The following ACKR2 variants were observed in gnomAD, a reference collection of about 807,000 sequenced individuals.
ACKR2 encodes the protein atypical chemokine receptor 2, also known as C-C chemokine receptor D6.
For synonymous variants in ACKR2, 207 were observed against 192.2 expected, an observed-to-expected ratio of 1.08 and a Z score of -0.64; for missense variants, 457 against 477.3, an observed-to-expected ratio of 0.96 and a Z score of 0.40.
At chr3:42,851,334 G>T (rs571735436) in intron 2 of ACKR2, 1 of 984,550 alleles carries the variant, frequency 1.0e-6, no homozygotes, top group Non-Finnish European at 1.2e-6. Context: ...TCCAGAGAGG[G>T]GATGAGCGCA....
chr3:42,831,675 C>T (rs1157874185), intron 2 of ACKR2, among the ~76,000 whole-genome samples: 1 of 152,230 alleles, frequency 6.6e-6, no homozygotes, highest in Non-Finnish European at 1.5e-5. Flanking sequence ...GCAGGGCTCC[C>T]TTCTCTTCCA....
intron 2 of ACKR2, among the ~76,000 whole-genome samples, chr3:42,826,244 T>C (rs1297042142): frequency 6.6e-6 from 1 of 152,144 alleles, no homozygotes; most frequent in Non-Finnish European, 1.5e-5. Flanking sequence ...TTGTTGGGTT[T>C]TTGTATCAGA....
intron 2 of ACKR2, among the ~76,000 whole-genome samples, chr3:42,861,053 A>C (rs749439582): frequency 9.9e-5 from 15 of 152,200 alleles, no homozygotes; most frequent in Non-Finnish European, 1.8e-4. Context: ...AAAACCCTTC[A>C]AAAAATCAAT....
At chr3:42,812,920 C>T (rs1430623263) in intron 1 of ACKR2, among the ~76,000 whole-genome samples, 1 of 151,920 alleles carries the variant, frequency 6.6e-6, no homozygotes, top group Non-Finnish European at 1.5e-5. Flanking sequence ...AAGTCCTGAC[C>T]TCAAGTGATC....
intron 2 of ACKR2, among the ~76,000 whole-genome samples, chr3:42,821,633 G>A (rs1015924407): frequency 6.6e-6 from 1 of 151,984 alleles, no homozygotes; most frequent in African/African-American, 2.4e-5. Flanking sequence ...ACACTCTCTT[G>A]CCTCTCTATC....
In ACKR2 at chr3:42,852,660, A is replaced by G. The variant is rs1701174857; in HGVS notation, c.-37-11806A>G. Among the ~76,000 whole-genome samples, 1 of 152,198 alleles carries G rather than the reference A, an allele frequency of 6.6e-6. No individual in the cohort carries two copies. Among genetic ancestry groups the G allele is most frequent in the Admixed American group, 6.5e-5 (1 of 15,280 alleles). On this transcript the variant is annotated intron_variant, in intron 2 of 2. Transcript: ENST00000422265. This position sits in a 1 kb window ranked among gnomAD's most constrained non-coding sequence, Gnocchi z 4.3. The stretch of plus-strand genomic sequence containing the variant: ...TGGACAAGGCCACTCCCTTCCAGCC[A>G]GACTTTGTGTAATCTGGTGTACCAG...
chr3:42,817,167 T>C (rs898686261), intron 1 of ACKR2, among the ~76,000 whole-genome samples: 1 of 152,178 alleles, frequency 6.6e-6, no homozygotes, highest in Non-Finnish European at 1.5e-5. Flanking sequence ...TGGGATGTAA[T>C]AGAGCCTCAG....
intron 1 of ACKR2, among the ~76,000 whole-genome samples, chr3:42,812,051 C>G (rs570563256): frequency 1.3e-5 from 2 of 152,276 alleles, no homozygotes; most frequent in Non-Finnish European, 2.9e-5. Flanking sequence ...TGTGCAGGTC[C>G]TCCATATGCT....
chr3:42,824,255 A>T (rs186592086), intron 2 of ACKR2, among the ~76,000 whole-genome samples: 1,619 of 152,312 alleles, frequency 0.011, 31 homozygotes, highest in African/African-American at 0.037. Context: ...ACTGTATTTT[A>T]AAAAATTTGT....
chr3:42,851,311 A>G (rs1025978372), intron 2 of ACKR2: 41 of 962,946 alleles, frequency 4.3e-5, no homozygotes, highest in African/African-American at 7.0e-5. Context: ...AGCAGGATAT[A>G]CATAGGCTGC....
At chr3:42,837,785 T>C (rs1402755755) in intron 2 of ACKR2, among the ~76,000 whole-genome samples, 2 of 152,222 alleles carry the variant, frequency 1.3e-5, no homozygotes, top group Non-Finnish European at 2.9e-5. Context: ...GTCACACTAT[T>C]AAATATACGC....
In ACKR2 at chr3:42,865,729, C is replaced by T; in HGVS notation, c.*72C>T. On this transcript the variant is annotated 3_prime_UTR_variant, in exon 3 of 3. Transcript: ENST00000422265. ...TGGGTGTCCACTCAAAGTGCTCTCT[C>T]CAGGGGCCTCAGTGACTGTGTTGCT... 1 of 1,234,774 alleles carries T rather than the reference C, an allele frequency of 8.1e-7. No individual in the cohort carries two copies. Among genetic ancestry groups the T allele is most frequent in the East Asian group, 2.4e-5 (1 of 41,610 alleles). 76.5% of individuals were successfully genotyped at this position (1,234,774 alleles called of 1,614,324 possible).
intron 1 of ACKR2, among the ~76,000 whole-genome samples, chr3:42,810,280 A>G (rs1449530875): frequency 2.0e-5 from 3 of 152,224 alleles, no homozygotes; most frequent in Non-Finnish European, 4.4e-5. Context: ...TCAACTAACC[A>G]TTTCAAACAA....
In ACKR2 at chr3:42,865,972, T is replaced by C. The variant is rs1382251698; in HGVS notation, c.*315T>C. On this transcript the variant is annotated 3_prime_UTR_variant, in exon 3 of 3. Transcript: ENST00000422265. ...CCTTCCTCCTTTCCTCCCTTCCTAC[T>C]TTCCTTCCTTCCTTCTGACAGGGTC... 2 of 284,694 alleles carry C rather than the reference T, an allele frequency of 7.0e-6. No individual in the cohort carries two copies. Among genetic ancestry groups the C allele is most frequent in the South Asian group, 8.6e-5 (2 of 23,228 alleles). The allele number at this position is 284,694 out of a possible 1,614,324, so 17.6% of individuals were successfully genotyped here. A position where few individuals can be genotyped will look rare whatever the true frequency, so the allele number is the denominator to read the frequency against.
At chr3:42,861,555 C>T (rs112597072) in intron 2 of ACKR2, among the ~76,000 whole-genome samples, 1 of 152,058 alleles carries the variant, frequency 6.6e-6, no homozygotes, top group African/African-American at 2.4e-5. Flanking sequence ...GGCAAAGACA[C>T]AACAAAAAAA....
rs1046294366 is a variant in ACKR2 at position 42,867,128 on chromosome 3, C to G, written c.*1471C>G. ...GCTCAAGCAATTTGCCTGCCTCAGCCTCCCAAAGTGCTGGGATTACAGGCG... is the reference window on the plus strand; with the variant it reads ...GCTCAAGCAATTTGCCTGCCTCAGCGTCCCAAAGTGCTGGGATTACAGGCG... On this transcript the variant is annotated 3_prime_UTR_variant, in exon 3 of 3. Coordinates refer to ENST00000422265, the MANE Select transcript of ACKR2 (RefSeq NM_001296.5). 4.2e-5 allele frequency: 7 copies of G among 167,014 alleles called. No homozygotes were observed. Among genetic ancestry groups the G allele is most frequent in the African/African-American group, 1.7e-4 (7 of 41,440 alleles). 10.3% of individuals were successfully genotyped at this position (167,014 alleles called of 1,614,324 possible).
chr3:42,834,119 C>T (rs1050757947), intron 2 of ACKR2, among the ~76,000 whole-genome samples: 5 of 152,082 alleles, frequency 3.3e-5, no homozygotes, highest in Admixed American at 6.6e-5. Context: ...CCTCCACGCC[C>T]GGCTAATTTT....
intron 2 of ACKR2, among the ~76,000 whole-genome samples, chr3:42,840,931 C>G (rs1198991325): frequency 6.6e-6 from 1 of 152,180 alleles, no homozygotes; most frequent in Non-Finnish European, 1.5e-5. Context: ...CTCAGGCAAT[C>G]CGCCCACCTC....
intron 2 of ACKR2, among the ~76,000 whole-genome samples, chr3:42,841,259 T>C (rs1162552044): frequency 6.6e-6 from 1 of 152,184 alleles, no homozygotes; most frequent in Admixed American, 6.5e-5. Flanking sequence ...TTCCAGGAAG[T>C]AATGAATGTA....
Sources: gnomAD v4.1 joint callset for allele counts (sites outside exome capture counted in the v4.1 genomes callset) on GRCh38, gnomAD v4.1.1 for gene constraint, Gnocchi (gnomAD v3.1) non-coding constraint, MANE v1.5 for transcripts, NCBI Gene and HGNC (gene_info 2026-07-23, HGNC 2026-07-21) for gene names.